The following PTPRT variants were observed in gnomAD, a reference collection of about 807,000 sequenced individuals.
PTPRT encodes the protein receptor-type tyrosine-protein phosphatase T.
A neutral mutation model predicts 176.8 loss-of-function variants in PTPRT; 56 were observed. That is an observed-to-expected ratio of 0.32 (90% CI 0.26 to 0.40). The LOEUF (loss-of-function observed/expected upper bound fraction) is 0.40, where lower values mean the gene tolerates loss of function less well. PTPRT is among the 10% of genes least tolerant of loss of function. PTPRT has a pLI of 1.00. For synonymous variants in PTPRT, 783 were observed against 739.0 expected (o/e 1.06, Z -0.96); for missense variants, 1,540 against 1,908.2 (o/e 0.81, Z 3.60).
At chr20:43,094,006 G>A (rs6030643) in intron 1 of PTPRT, among the ~76,000 whole-genome samples, 7,899 of 151,218 alleles carry the variant, frequency 0.052, 708 homozygotes, top group African/African-American at 0.18. Flanking sequence ...CCCCATCCCC[G>A]TCATTCTCTC....
At chr20:42,427,393 C>T (rs1360274942) in intron 9 of PTPRT, among the ~76,000 whole-genome samples, 2 of 152,204 alleles carry the variant, frequency 1.3e-5, no homozygotes. Context: ...CAAATTACCA[C>T]AGACTGGGTA....
chr20:42,673,478 T>G (rs1249813565), intron 7 of PTPRT, among the ~76,000 whole-genome samples: 1 of 152,202 alleles, frequency 6.6e-6, no homozygotes, highest in Non-Finnish European at 1.5e-5. Context: ...TCCATCTAGG[T>G]TGCAGTAACA....
chr20:42,135,204 G>C (rs1014861030), intron 18 of PTPRT, among the ~76,000 whole-genome samples: 1 of 152,138 alleles, frequency 6.6e-6, no homozygotes, highest in African/African-American at 2.4e-5. Flanking sequence ...CCTGGGGTAG[G>C]TTACCACCTC....
chr20:42,126,483 G>A (rs1292324675), intron 19 of PTPRT, among the ~76,000 whole-genome samples: 2 of 152,198 alleles, frequency 1.3e-5, no homozygotes, highest in Non-Finnish European at 2.9e-5. Flanking sequence ...TTAAGGTGAT[G>A]TTGGTACATG....
At chr20:42,248,665 G>T (rs1001996386) in intron 14 of PTPRT, 22 bp downstream of exon 14, 1 of 1,612,796 alleles carries the variant, frequency 6.2e-7, no homozygotes, top group Non-Finnish European at 8.5e-7. Context: ...GCAGAGTCTT[G>T]CAGGCAGCAG....
At chr20:42,828,566 G>A (rs1033875954) in intron 2 of PTPRT, among the ~76,000 whole-genome samples, 1 of 152,256 alleles carries the variant, frequency 6.6e-6, no homozygotes, top group South Asian at 2.1e-4. Flanking sequence ...AGAGGACTAG[G>A]AAGAAAAATG....
In PTPRT at chr20:42,742,324, G is replaced by A. The variant is rs1034566168; in HGVS notation, c.859+14138C>T. 3.3e-5 allele frequency among the ~76,000 whole-genome samples: 5 copies of A among 152,210 alleles called. No individual in the cohort carries two copies. The South Asian group carries it at 6.2e-4, about 19-fold the overall frequency. On this transcript the variant is annotated intron_variant, in intron 6 of 30. Coordinates refer to ENST00000373187, the MANE Select transcript of PTPRT (RefSeq NM_007050.6). ...AAGCCATCAAGGCGAGAAGGGCCACGGTAACAGACAGAGCCTCCCTGCAGT... is the reference window on the plus strand; with the variant it reads ...AAGCCATCAAGGCGAGAAGGGCCACAGTAACAGACAGAGCCTCCCTGCAGT...
In PTPRT at chr20:42,465,929, C is replaced by G. The variant is rs2071094637; in HGVS notation, c.1450+6337G>C. Among the ~76,000 whole-genome samples, 4 of 152,220 alleles carry G rather than the reference C, an allele frequency of 2.6e-5. No homozygotes were observed. In the South Asian group the frequency reaches 8.3e-4, roughly 32 times the overall value. ...TATTTATCCTGATGCTCTCCCTCCC[C>G]ACACTCCCCCAACAGGCCCCAGGGT... is the stretch of plus-strand genomic sequence containing the variant. On this transcript the variant is annotated intron_variant, in intron 8 of 30. Transcript: ENST00000373187.
At chr20:42,692,177 A>C (rs2146123155) in intron 6 of PTPRT, among the ~76,000 whole-genome samples, 1 of 152,352 alleles carries the variant, frequency 6.6e-6, no homozygotes, top group African/African-American at 2.4e-5. Context: ...TCCAAAGAGA[A>C]GAATTACTTC....
intron 9 of PTPRT, among the ~76,000 whole-genome samples, chr20:42,364,112 AT>A (rs1439973610): frequency 5.9e-5 from 9 of 152,224 alleles, no homozygotes; most frequent in Admixed American, 2.6e-4. Flanking sequence ...GCTAGAATGC[AT>A]TTCCAAGCAC....
chr20:43,145,179 A>C (rs1176479201), intron 1 of PTPRT, among the ~76,000 whole-genome samples: 1 of 152,244 alleles, frequency 6.6e-6, no homozygotes, highest in Non-Finnish European at 1.5e-5. Context: ...AAACATGTCT[A>C]TGTTGTTCAC....
Position 43,083,922 on chromosome 20 carries a change from T to C in PTPRT, c.88+105724A>G, listed in dbSNP as rs75605344. Among the ~76,000 whole-genome samples the C allele has an allele frequency of 7.6e-4, 116 of 152,332 alleles. 1 individual carries two copies. The East Asian group carries it at 0.019, about 25-fold the overall frequency. On this transcript the variant is annotated intron_variant, in intron 1 of 30. Coordinates refer to ENST00000373187, the MANE Select transcript of PTPRT (RefSeq NM_007050.6). ...GTGGTCTTTTCTGACTTGTTTCACTTAGCATGATGTTTCTGAGGTTCATAC... is the reference window on the plus strand; with the variant it reads ...GTGGTCTTTTCTGACTTGTTTCACTCAGCATGATGTTTCTGAGGTTCATAC...
At chr20:42,711,847 G>T (rs551452068) in intron 6 of PTPRT, among the ~76,000 whole-genome samples, 16 of 151,656 alleles carry the variant, frequency 1.1e-4, no homozygotes, top group African/African-American at 3.9e-4. Context: ...CTAACAAGTG[G>T]AGAAAATGAG....
intron 7 of PTPRT, among the ~76,000 whole-genome samples, chr20:42,575,359 A>G (rs1162874358): frequency 6.6e-6 from 1 of 152,232 alleles, no homozygotes; most frequent in African/African-American, 2.4e-5. Context: ...AAGGCTGTGA[A>G]GAGCCAGCCA....
At chr20:42,437,356 C>T (rs2059271240) in intron 9 of PTPRT, among the ~76,000 whole-genome samples, 1 of 152,190 alleles carries the variant, frequency 6.6e-6, no homozygotes, top group Non-Finnish European at 1.5e-5. Flanking sequence ...GAAACTGAGG[C>T]CCAGGTTGGG....
chr20:42,106,764 G>T, intron 24 of PTPRT, 22 bp downstream of exon 24: 1 of 1,609,856 alleles, frequency 6.2e-7, no homozygotes, highest in Non-Finnish European at 8.5e-7. Context: ...GTGGCCAACT[G>T]TCTTGGCCCC....
chr20:42,036,743 G>C, the PTPRT span, among the ~76,000 whole-genome samples: 1 of 152,216 alleles, frequency 6.6e-6, no homozygotes, highest in East Asian at 1.9e-4. Flanking sequence ...AGAGGCCACA[G>C]TCAGAGCCAG....
intron 9 of PTPRT, among the ~76,000 whole-genome samples, chr20:42,387,632 G>C (rs1402728755): frequency 6.6e-6 from 1 of 152,030 alleles, no homozygotes; most frequent in Non-Finnish European, 1.5e-5. Context: ...TTTTAATCTG[G>C]AAACTTCCTA....
intron 25 of PTPRT, among the ~76,000 whole-genome samples, chr20:42,103,227 A>G (rs113331284): frequency 7.1e-4 from 108 of 152,272 alleles, no homozygotes; most frequent in African/African-American, 2.5e-3. Context: ...AGACCAATCA[A>G]TGTTGCCACA....
Sources: gnomAD v4.1 joint callset for allele counts (sites outside exome capture counted in the v4.1 genomes callset) on GRCh38, gnomAD v4.1.1 for gene constraint, MANE v1.5 for transcripts, NCBI Gene and HGNC (gene_info 2026-07-23, HGNC 2026-07-21) for gene names.